The following ROBO2 variants were observed in gnomAD, a reference collection of about 807,000 sequenced individuals.
ROBO2 encodes roundabout guidance receptor 2.
In ROBO2, 53 loss-of-function variants were observed where a neutral mutation model predicts 160.8. The ratio of observed to expected loss-of-function variants is 0.33; its 90% confidence interval spans 0.26 to 0.41. ROBO2 has a LOEUF of 0.41. ROBO2 is among the 10% of genes least tolerant of loss of function. The pLI, the probability that ROBO2 is intolerant of heterozygous loss-of-function variation, is 1.00. For missense variants in ROBO2, 1,577 were observed against 1,722.4 expected, an observed-to-expected ratio of 0.92 and a Z score of 1.49; for synonymous variants, 664 against 611.7, an observed-to-expected ratio of 1.09 and a Z score of -1.26.
At chr3:76,497,522 C>T (rs538350285) in intron 2 of ROBO2, among the ~76,000 whole-genome samples, 163 of 152,292 alleles carry the variant, frequency 1.1e-3, no homozygotes, top group African/African-American at 3.7e-3. Context: ...GGGGAATTCT[C>T]CAACTACTGT....
chr3:77,617,980 G>T, intron 22 of ROBO2: 1 of 592,126 alleles, frequency 1.7e-6, no homozygotes, highest in African/African-American at 1.9e-5. Context: ...ACTAGAACTG[G>T]AACTGGAGCT....
intron 2 of ROBO2, among the ~76,000 whole-genome samples, chr3:76,411,289 C>T (rs2075472920): frequency 6.6e-6 from 1 of 151,322 alleles, no homozygotes; most frequent in African/African-American, 2.5e-5. Context: ...ACGAGTAAGA[C>T]ATGGTTCTTG....
At chr3:76,503,793 G>T (rs2080614039) in intron 2 of ROBO2, among the ~76,000 whole-genome samples, 1 of 152,184 alleles carries the variant, frequency 6.6e-6, no homozygotes, top group South Asian at 2.1e-4. Context: ...GTGGATGGTG[G>T]GAGGTGAGGT....
chr3:77,301,392 A>T (rs1196763298), intron 2 of ROBO2, among the ~76,000 whole-genome samples: 3 of 152,148 alleles, frequency 2.0e-5, no homozygotes, highest in Non-Finnish European at 4.4e-5. Context: ...AGTGTAATTT[A>T]TGAAACAATG....
intron 2 of ROBO2, among the ~76,000 whole-genome samples, chr3:77,258,356 TAA>T (rs752624920): frequency 1.1e-4 from 16 of 152,346 alleles, no homozygotes; most frequent in Non-Finnish European, 2.1e-4. Flanking sequence ...TATAAAAGTT[TAA>T]GTCTGTTACT....
chr3:76,169,185 C>G (rs1401051634), intron 2 of ROBO2, among the ~76,000 whole-genome samples: 2 of 152,126 alleles, frequency 1.3e-5, no homozygotes, highest in African/African-American at 2.4e-5. Flanking sequence ...TGGTTCATTT[C>G]TTCTTCCCAC....
intron 2 of ROBO2, among the ~76,000 whole-genome samples, chr3:76,680,928 C>A (rs936969571): frequency 4.6e-5 from 7 of 152,008 alleles, no homozygotes; most frequent in Admixed American, 2.6e-4. Flanking sequence ...CGGGATGCAC[C>A]ATCACGCCCA....
intron 6 of ROBO2, among the ~76,000 whole-genome samples, chr3:77,544,652 G>A (rs958217030): frequency 6.6e-6 from 1 of 152,044 alleles, no homozygotes; most frequent in Non-Finnish European, 1.5e-5. Context: ...TCTTGGACCT[G>A]CACTTCTTTT....
chr3:76,623,083 G>A (rs1051740341), intron 2 of ROBO2, among the ~76,000 whole-genome samples: 8 of 10,564 alleles, frequency 7.6e-4, no homozygotes, highest in South Asian at 0.022. Context: ...TCTTTCAGGC[G>A]TAAAAGTAGT....
intron 2 of ROBO2, among the ~76,000 whole-genome samples, chr3:76,124,279 T>C (rs1305636878): frequency 6.6e-6 from 1 of 152,172 alleles, no homozygotes; most frequent in Non-Finnish European, 1.5e-5. Context: ...TTTCAAGGAA[T>C]CTTTATATCT....
chr3:76,584,358 C>T lies in ROBO2; in HGVS notation c.110-513656C>T, dbSNP rs568301964. Among the ~76,000 whole-genome samples, 4 of 152,148 alleles carry T rather than the reference C, an allele frequency of 2.6e-5. No individual in the cohort carries two copies. In the East Asian group the frequency reaches 7.8e-4, roughly 30 times the overall value. ...CCAGAATCATATATTGAAGTCTCAA[C>T]TCCTAGTACTTCAGAATGTGACCTC... On this transcript the variant is annotated intron_variant, in intron 2 of 26. Coordinates refer to the ROBO2 transcript ENST00000487694.
intron 2 of ROBO2, among the ~76,000 whole-genome samples, chr3:77,331,670 A>C (rs1252359824): frequency 6.6e-6 from 1 of 151,084 alleles, no homozygotes; most frequent in African/African-American, 2.4e-5. Flanking sequence ...CTGTTTTTAC[A>C]AGCTTGAAAG....
intron 2 of ROBO2, among the ~76,000 whole-genome samples, chr3:76,458,664 T>G (rs1452866947): frequency 6.6e-6 from 1 of 152,132 alleles, no homozygotes; most frequent in Non-Finnish European, 1.5e-5. Context: ...TATCCAAGAC[T>G]GAGAAGAAAA....
At chr3:77,127,366 T>G (rs1466423551) in intron 2 of ROBO2, among the ~76,000 whole-genome samples, 1 of 152,152 alleles carries the variant, frequency 6.6e-6, no homozygotes, top group East Asian at 1.9e-4. Flanking sequence ...GTTACTCTTG[T>G]ACATACTGAA....
At chr3:76,374,323 T>G (rs1323836036) in intron 2 of ROBO2, among the ~76,000 whole-genome samples, 1 of 152,032 alleles carries the variant, frequency 6.6e-6, no homozygotes, top group Non-Finnish European at 1.5e-5. Flanking sequence ...TAATCCTTTT[T>G]CTGCCTGGGA....
chr3:76,053,547 C>T lies in ROBO2; in HGVS notation c.109+115945C>T, dbSNP rs1237102156. On this transcript the variant is annotated intron_variant, in intron 2 of 26. Coordinates refer to the ROBO2 transcript ENST00000487694. ...GGATACATCCTACATGAAAACATTT[C>T]TTTATATTTAAACAATTATTTCATA... Among the ~76,000 whole-genome samples the T allele has an allele frequency of 5.3e-5, 8 of 152,040 alleles. No individual in the cohort carries two copies. The South Asian group carries it at 8.3e-4, about 16-fold the overall frequency.
At position 76,887,941 on chromosome 3, in the gene ROBO2, C is replaced by A. The variant is rs369956180; in HGVS notation, c.110-210073C>A. Among the ~76,000 whole-genome samples, 47 of 152,268 alleles carry A rather than the reference C, an allele frequency of 3.1e-4. No homozygotes were observed. In the South Asian group the frequency reaches 9.7e-3, roughly 32 times the overall value. On this transcript the variant is annotated intron_variant, in intron 2 of 26. Coordinates refer to the ROBO2 transcript ENST00000487694. ...ACATATAACCATCTCTAAAATTCTG[C>A]AACTGTAGATTTTTAATCATCTAAT...
intron 2 of ROBO2, among the ~76,000 whole-genome samples, chr3:76,433,648 TAAG>T (rs1339466946): frequency 6.6e-6 from 1 of 152,186 alleles, no homozygotes; most frequent in Non-Finnish European, 1.5e-5. Context: ...AAAACTTGAG[TAAG>T]AAGATGACAG....
intron 2 of ROBO2, among the ~76,000 whole-genome samples, chr3:75,942,207 A>G (rs1024789824): frequency 2.0e-5 from 3 of 152,184 alleles, no homozygotes; most frequent in Admixed American, 6.6e-5. Context: ...GATCACTACC[A>G]GTAAGGAATA....
Sources: allele counts gnomAD v4.1 joint callset (sites outside exome capture counted in the v4.1 genomes callset), GRCh38; gene constraint gnomAD v4.1.1; transcripts MANE v1.5; gene names NCBI Gene and HGNC (gene_info 2026-07-23, HGNC 2026-07-21).